The following ZBBX variants were observed in gnomAD, a reference collection of about 807,000 sequenced individuals.
The protein encoded by ZBBX is zinc finger B-box domain containing, also known as zinc finger B-box domain-containing protein 1.
A neutral mutation model predicts 108.5 loss-of-function variants in ZBBX; 101 were observed. The observed-to-expected ratio is 0.93, with a 90% CI of 0.79 to 1.10. The LOEUF is 1.10. Among genes scored for constraint, ZBBX ranks in the 50% least tolerant of loss-of-function variants. ZBBX has a pLI of 0.00. For synonymous variants in ZBBX, 356 were observed against 323.4 expected, an observed-to-expected ratio of 1.10 and a Z score of -1.08; for missense variants, 1,009 against 941.4, an observed-to-expected ratio of 1.07 and a Z score of -0.94.
At chr3:167,323,252 A>C (rs1483310995) in intron 11 of ZBBX, among the ~76,000 whole-genome samples, 1 of 115,152 alleles carries the variant, frequency 8.7e-6, no homozygotes, top group Admixed American at 9.5e-5. Flanking sequence ...GGGGGGGGGA[A>C]AGAACTCTTT....
chr3:167,250,697 G>A (rs1722435511), intron 20 of ZBBX, among the ~76,000 whole-genome samples: 1 of 152,100 alleles, frequency 6.6e-6, no homozygotes, highest in African/African-American at 2.4e-5. Flanking sequence ...AGCAAAGACA[G>A]GTCACAGTCC....
chr3:167,372,115 G>A (rs1746249804), intron 4 of ZBBX, among the ~76,000 whole-genome samples: 1 of 152,162 alleles, frequency 6.6e-6, no homozygotes, highest in African/African-American at 2.4e-5. Context: ...GGTGGCTGAG[G>A]CAGGAGAATT....
chr3:167,332,599 C>T (rs1317861191), intron 10 of ZBBX, among the ~76,000 whole-genome samples: 1 of 152,062 alleles, frequency 6.6e-6, no homozygotes, highest in Non-Finnish European at 1.5e-5. Context: ...AATAAAAGCA[C>T]AAACCTTACA....
Position 167,345,506 on chromosome 3 carries a change from AT to A in ZBBX, c.528+4913del, listed in dbSNP as rs576921194. Among the ~76,000 whole-genome samples, 34 of 151,918 alleles carry A rather than the reference AT, an allele frequency of 2.2e-4. 1 individual carries two copies. In the South Asian group the frequency reaches 7.1e-3, roughly 32 times the overall value. On this transcript the variant is annotated intron_variant, in intron 9 of 21. Coordinates refer to ENST00000675490, the MANE Select transcript of ZBBX (RefSeq NM_001199201.2). ...ATACTTACAAATAGAAAATTCATAC[AT>A]TTTTTCAAAATATTTACATACCTGG... is the stretch of plus-strand genomic sequence containing the variant.
chr3:167,252,108 A>C lies in ZBBX; in HGVS notation c.2255-9465T>G, dbSNP rs1186997199. ...GATATCAGCCACAGCAATTTGAATC[A>C]AAGGAGAAACTGTTTACCTAATGTA... is the stretch of plus-strand genomic sequence containing the variant. On this transcript the variant is annotated intron_variant, in intron 20 of 21. Coordinates refer to ENST00000675490, the MANE Select transcript of ZBBX (RefSeq NM_001199201.2). 3.1e-6 allele frequency: 4 copies of C among 1,276,502 alleles called. No homozygotes were observed. In the African/African-American group the frequency reaches 6.1e-5, roughly 19 times the overall value. The allele number at this position is 1,276,502 out of a possible 1,614,324, so 79.1% of individuals were successfully genotyped here.
At chr3:167,202,920 G>A in the ZBBX span, among the ~76,000 whole-genome samples, 1 of 151,966 alleles carries the variant, frequency 6.6e-6, no homozygotes, top group African/African-American at 2.4e-5. Flanking sequence ...TACTAAAGCC[G>A]AATATCTTAC....
the ZBBX span, among the ~76,000 whole-genome samples, chr3:167,203,342 C>T: frequency 2.6e-5 from 4 of 152,150 alleles, no homozygotes; most frequent in Admixed American, 2.0e-4. Context: ...ATCTTATCAC[C>T]CCTTTAAAGA....
At chr3:167,274,350 T>C (rs1560055270) in intron 20 of ZBBX, among the ~76,000 whole-genome samples, 1 of 152,162 alleles carries the variant, frequency 6.6e-6, no homozygotes, top group Non-Finnish European at 1.5e-5. Flanking sequence ...ATCCGTGGGC[T>C]AGTACAAAAG....
intron 20 of ZBBX, among the ~76,000 whole-genome samples, chr3:167,276,319 A>G (rs1727569016): frequency 6.6e-6 from 1 of 151,586 alleles, no homozygotes; most frequent in African/African-American, 2.4e-5. Flanking sequence ...TTCAAACCAA[A>G]GGCAAAGAAG....
At chr3:167,295,120 G>A (rs1266655444) in intron 18 of ZBBX, among the ~76,000 whole-genome samples, 1 of 152,122 alleles carries the variant, frequency 6.6e-6, no homozygotes, top group East Asian at 1.9e-4. Flanking sequence ...CAACCATTGT[G>A]GAAAACAGTG....
At chr3:167,374,968 A>G (rs920101077) in intron 2 of ZBBX, among the ~76,000 whole-genome samples, 1 of 152,184 alleles carries the variant, frequency 6.6e-6, no homozygotes, top group African/African-American at 2.4e-5. Context: ...AAGAAAAAAA[A>G]TAAACATGAG....
intron 10 of ZBBX, among the ~76,000 whole-genome samples, chr3:167,332,052 A>C (rs1738724513): frequency 6.6e-6 from 1 of 152,080 alleles, no homozygotes; most frequent in Non-Finnish European, 1.5e-5. Flanking sequence ...CCTAACCCAG[A>C]TGTAAATATT....
chr3:167,237,941 T>C (rs1720297581), downstream of ZBBX, among the ~76,000 whole-genome samples: 1 of 151,930 alleles, frequency 6.6e-6, no homozygotes, highest in African/African-American at 2.4e-5. Flanking sequence ...AAAACAGTAG[T>C]GGTCCAATCC....
intron 2 of ZBBX, among the ~76,000 whole-genome samples, chr3:167,378,311 T>C (rs1466661834): frequency 6.6e-6 from 1 of 152,174 alleles, no homozygotes; most frequent in Non-Finnish European, 1.5e-5. Flanking sequence ...ATAGGCAGGT[T>C]CTCTTGAGAA....
At position 167,290,241 on chromosome 3, in the gene ZBBX, C is replaced by T. The variant is rs111588159; in HGVS notation, c.1880-1258G>A. 6.2e-3 allele frequency among the ~76,000 whole-genome samples: 947 copies of T among 152,298 alleles called. 7 individuals are homozygous for T. Among genetic ancestry groups the T allele is most frequent in the African/African-American group, 0.02 (845 of 41,560 alleles). On this transcript the variant is annotated intron_variant, in intron 18 of 21. Coordinates refer to ENST00000675490, the MANE Select transcript of ZBBX (RefSeq NM_001199201.2). ...TCTGATAAGGATCAGACTGCCTCCTCAAGTGTATCCTGATTGGGAGACAAC... is the reference window on the plus strand; with the variant it reads ...TCTGATAAGGATCAGACTGCCTCCTTAAGTGTATCCTGATTGGGAGACAAC...
Position 167,350,401 on chromosome 3 carries a change from T to A in ZBBX, c.528+19A>T, listed in dbSNP as rs184557006. 9.8e-5 allele frequency: 152 copies of A among 1,557,118 alleles called. 1 individual carries two copies. The East Asian group carries it at 1.9e-3, about 19-fold the overall frequency. On this transcript the variant is annotated intron_variant, in intron 9 of 21. Transcript: ENST00000675490. Reference sequence around the variant, plus strand: ...ATTTTATAAACACACTACAAGTAAATCATTTTAGAAAGCCATACCTGCAAA... The same window carrying A: ...ATTTTATAAACACACTACAAGTAAAACATTTTAGAAAGCCATACCTGCAAA...
chr3:167,203,360 C>G, the ZBBX span, among the ~76,000 whole-genome samples: 2 of 152,052 alleles, frequency 1.3e-5, no homozygotes, highest in African/African-American at 4.8e-5. Context: ...AGACCTTATC[C>G]TTAAATATGC....
chr3:167,193,661 A>G, the ZBBX span, among the ~76,000 whole-genome samples: 7 of 152,212 alleles, frequency 4.6e-5, no homozygotes, highest in African/African-American at 1.7e-4. Context: ...CCATGGGAGA[A>G]TTCCAAAGTT....
chr3:167,230,284 C>T, the ZBBX span, among the ~76,000 whole-genome samples: 1 of 151,752 alleles, frequency 6.6e-6, no homozygotes, highest in Admixed American at 6.6e-5. Flanking sequence ...CAAAGAAAAA[C>T]AACATTTCTT....
Sources: gnomAD v4.1 joint callset for allele counts (sites outside exome capture counted in the v4.1 genomes callset) on GRCh38, gnomAD v4.1.1 for gene constraint, MANE v1.5 for transcripts, NCBI Gene and HGNC (gene_info 2026-07-23, HGNC 2026-07-21) for gene names.